Variants in COL15A1 observed in about 807,000 individuals in gnomAD.
COL15A1 encodes the protein collagen alpha-1(XV) chain.
Under a neutral mutation model 165.9 loss-of-function variants are expected in COL15A1, and 111 were observed. The ratio of observed to expected loss-of-function variants is 0.67; its 90% CI spans 0.57 to 0.78. The LOEUF (loss-of-function observed/expected upper bound fraction) is 0.78. Ranked by LOEUF, COL15A1 falls within the 30% of genes least tolerant of loss-of-function variation. The probability of loss-of-function intolerance (pLI) is 0.00; values close to 1 mark genes in which losing one functional copy is unlikely to be tolerated. For missense variants in COL15A1, 1,745 were observed against 1,789.7 expected (o/e 0.98, Z 0.45); for synonymous variants, 659 against 674.8 (o/e 0.98, Z 0.36).
chr9:99,066,614 T>TGCTTG (rs1276277898), intron 39 of COL15A1, among the ~76,000 whole-genome samples: 1 of 146,674 alleles, frequency 6.8e-6, no homozygotes, highest in African/African-American at 2.5e-5. Flanking sequence ...TTTTTTTTTT[T>TGCTTG]TTTTTTTTTT....
At chr9:98,980,678 C>T (rs146211838) in intron 2 of COL15A1, among the ~76,000 whole-genome samples, 2 of 152,346 alleles carry the variant, frequency 1.3e-5, no homozygotes, top group African/African-American at 2.4e-5. Context: ...AGGATAGCAA[C>T]AGGATCAGAT....
rs780920548 is a variant in COL15A1 at position 99,035,356 on chromosome 9, G to A, written c.2227G>A (p.Glu743Lys). ...CTMGLGFEDT[E>K]GSGSTQLLNE... ...ATTCTTGCTCCTTCCCCAGGATACC[G>A]AAGGCTCTGGAAGCACCCAGCTATT... The change falls in exon 19 of 42, where the codon GAA becomes AAA. Residue 743 changes from glutamate (E) to lysine (K), a missense_variant. Physicochemically the swap from Glu to Lys is moderately conservative, Grantham distance 56. Coordinates refer to ENST00000375001, the MANE Select transcript of COL15A1 (RefSeq NM_001855.5). The A allele has an allele frequency of 8.7e-6, 14 of 1,614,126 alleles. No homozygotes were observed. The highest frequency in any genetic ancestry group is 3.3e-5 in the South Asian group (3 of 91,074).
At chr9:99,004,811 A>AG (rs1266458456) in intron 8 of COL15A1, 87 bp from the exon 9 acceptor site, 2 of 1,500,154 alleles carry the variant, frequency 1.3e-6, no homozygotes, top group African/African-American at 2.8e-5. Context: ...AGGTGCTTTG[A>AG]GGGGCCCTGG....
chr9:99,014,112 A>T (rs919301872), intron 9 of COL15A1, among the ~76,000 whole-genome samples: 1 of 152,208 alleles, frequency 6.6e-6, no homozygotes, highest in Non-Finnish European at 1.5e-5. Flanking sequence ...AAAGATCAGA[A>T]CAACAACCAA....
intron 2 of COL15A1, among the ~76,000 whole-genome samples, chr9:98,950,592 C>CT (rs1220820680): frequency 8.5e-5 from 12 of 141,600 alleles, no homozygotes; most frequent in African/African-American, 1.6e-4. Context: ...TCCTTCCTTC[C>CT]TCCCTCCCTC....
At chr9:99,032,843 T>A (rs988678477) in intron 16 of COL15A1, among the ~76,000 whole-genome samples, 1 of 152,232 alleles carries the variant, frequency 6.6e-6, no homozygotes, top group African/African-American at 2.4e-5. Flanking sequence ...ATTTCGACAG[T>A]TTTCTATTTA....
chr9:99,020,352 G>A (rs1352989641), intron 11 of COL15A1, 37 bp from the exon 12 acceptor site: 3 of 1,543,830 alleles, frequency 1.9e-6, no homozygotes, highest in Admixed American at 1.7e-5. Flanking sequence ...TCCCAAATAT[G>A]TTGTGGCCAC....
chr9:99,021,629 G>A (rs1839029141), intron 12 of COL15A1, among the ~76,000 whole-genome samples: 1 of 152,198 alleles, frequency 6.6e-6, no homozygotes, highest in African/African-American at 2.4e-5. Flanking sequence ...AGGTGATTCA[G>A]GCACTGTGCC....
In COL15A1 at chr9:99,069,838, A is replaced by G. The variant is rs763265422; in HGVS notation, c.4119A>G (p.Leu1373=). The G allele has an allele frequency of 5.0e-6, 8 of 1,614,170 alleles. No homozygotes were observed. The Admixed American group carries it at 1.3e-4, about 27-fold the overall frequency. ...AAGCATACAGCTGTGCTAATCGGCT[A>G]ATTGTCCTATGTATCGAAAACAGTT... ...DQKAYSCANR[L]IVLCIENSFM... The change falls in exon 42 of 42, where the codon CTA becomes CTG. Residue 1373 remains leucine, a synonymous_variant. Transcript: ENST00000375001.
chr9:99,018,029 C>T (rs1413140990), intron 11 of COL15A1, among the ~76,000 whole-genome samples: 2 of 152,154 alleles, frequency 1.3e-5, no homozygotes, highest in African/African-American at 2.4e-5. Context: ...CCCAAACATC[C>T]TATCATTTAT....
chr9:98,960,107 A>G (rs549992734), intron 2 of COL15A1, among the ~76,000 whole-genome samples: 94 of 152,268 alleles, frequency 6.2e-4, no homozygotes, highest in African/African-American at 2.2e-3. Context: ...CCAGGAGCTC[A>G]TTAGAAACAG....
chr9:98,984,467 G>A (rs1838277630), intron 2 of COL15A1, among the ~76,000 whole-genome samples: 1 of 152,212 alleles, frequency 6.6e-6, no homozygotes, highest in African/African-American at 2.4e-5. Flanking sequence ...AAACCTGCAT[G>A]CAACTTACCT....
At chr9:99,054,451 C>A in intron 31 of COL15A1, 125 bp from the exon 32 acceptor site, 2 of 989,196 alleles carry the variant, frequency 2.0e-6, no homozygotes, top group Non-Finnish European at 2.9e-6. Context: ...GCTGATCTCT[C>A]AGGAGGGCTT....
intron 2 of COL15A1, among the ~76,000 whole-genome samples, chr9:98,979,461 A>G (rs1042107485): frequency 2.0e-5 from 3 of 152,056 alleles, no homozygotes; most frequent in African/African-American, 7.3e-5. Context: ...GAGGTTGAGT[A>G]TTTTTCATAT....
intron 39 of COL15A1, among the ~76,000 whole-genome samples, chr9:99,066,599 G>GTTTTTTTTTTTGTTTTTTTTTTTTT (rs1825895496): frequency 1.4e-5 from 1 of 71,082 alleles, no homozygotes; most frequent in Admixed American, 1.6e-4. Flanking sequence ...ATTTTGTTCT[G>GTTTTTTTTTTTGTTTTTTTTTTTTT]TTTTTTTTTT....
chr9:99,052,362 C>T, intron 30 of COL15A1, 26 bp from the exon 31 acceptor site: 2 of 1,598,910 alleles, frequency 1.3e-6, no homozygotes, highest in Non-Finnish European at 1.7e-6. Context: ...CTTGCAGTGC[C>T]TAACCTGGCC....
chr9:98,996,861 G>T, intron 5 of COL15A1, 73 bp from the exon 6 acceptor site: 4 of 1,584,816 alleles, frequency 2.5e-6, no homozygotes, highest in Non-Finnish European at 3.4e-6. Flanking sequence ...ATTTTCTTCA[G>T]TGATATTCTC....
At chr9:99,007,180 G>T (rs1313266985) in intron 9 of COL15A1, among the ~76,000 whole-genome samples, 2 of 152,210 alleles carry the variant, frequency 1.3e-5, no homozygotes, top group Non-Finnish European at 2.9e-5. Context: ...GAAGCAATCA[G>T]ATATGCATTT....
At chr9:99,005,762 C>T (rs1838752371) in intron 9 of COL15A1, among the ~76,000 whole-genome samples, 2 of 152,178 alleles carry the variant, frequency 1.3e-5, no homozygotes, top group African/African-American at 4.8e-5. Context: ...CAATGCTGGC[C>T]CCTGTGCTGA....
Sources: allele counts gnomAD v4.1 joint callset (sites outside exome capture counted in the v4.1 genomes callset), GRCh38; gene constraint gnomAD v4.1.1; transcripts MANE v1.5; gene names NCBI Gene and HGNC (gene_info 2026-07-23, HGNC 2026-07-21).